Variants in SLC19A1 observed in about 807,000 individuals in gnomAD.
SLC19A1 encodes solute carrier family 19 member 1, also known as reduced folate transporter.
SLC19A1 carries 37 observed loss-of-function variants against 35.3 expected under a neutral mutation model. The ratio of observed to expected loss-of-function variants is 1.05; its 90% CI spans 0.81 to 1.38. The LOEUF is 1.38. Ranked by LOEUF, SLC19A1 falls within the 40% of genes most tolerant of loss-of-function variation. SLC19A1 has a pLI of 0.00. For missense variants in SLC19A1, 831 were observed against 826.9 expected (o/e 1.00, Z -0.06); for synonymous variants, 460 against 398.5 (o/e 1.15, Z -1.84).
At chr21:45,509,237 G>A, downstream of SLC19A1, 4 of 1,375,214 alleles carry the variant, frequency 2.9e-6, no homozygotes, top group South Asian at 2.7e-5. Context: ...CGGGGGCGCA[G>A]CTCCCTGCTT....
intron 1 of SLC19A1, among the ~76,000 whole-genome samples, chr21:45,553,385 C>G (rs975441450): frequency 2.0e-5 from 3 of 151,828 alleles, no homozygotes; most frequent in Admixed American, 1.3e-4. Context: ...ACAGGGGACA[C>G]GGCTCAGTGG....
upstream of SLC19A1, among the ~76,000 whole-genome samples, chr21:45,545,988 C>T (rs961700395): frequency 6.6e-6 from 1 of 152,230 alleles, no homozygotes; most frequent in Non-Finnish European, 1.5e-5. Context: ...GCCTTCGCCC[C>T]CACTTTTTCC....
chr21:45,503,788 ATAAATT>A lies in SLC19A1; in HGVS notation c.498-5182_498-5177del, dbSNP rs549028771. ...GTACCCTAAAACTTAAAGTATAATAATAAATTTAAAAAATTTAAAAATAAAATAAAA... is the reference window on the plus strand; with the variant it reads ...GTACCCTAAAACTTAAAGTATAATAATAAAAAATTTAAAAATAAAATAAAA... On this transcript the variant is annotated intron_variant, in intron 3 of 4. Coordinates refer to the SLC19A1 transcript ENST00000417954. 3.1e-3 allele frequency: 805 copies of A among 257,480 alleles called. 6 individuals carry two copies. Among genetic ancestry groups the A allele is most frequent in the African/African-American group, 0.017 (755 of 44,236 alleles). 15.9% of individuals were successfully genotyped at this position (257,480 alleles called of 1,614,324 possible). A position where few individuals can be genotyped will look rare whatever the true frequency, so the allele number is the denominator to read the frequency against.
chr21:45,537,730 C>T, intron 2 of SLC19A1, 41 bp downstream of exon 2: 1 of 777,126 alleles, frequency 1.3e-6, no homozygotes, highest in Non-Finnish European at 1.8e-6. Context: ...CCCCGCCCAC[C>T]CACCCACAGG....
At chr21:45,509,439 C>G (rs1380703389), downstream of SLC19A1, 1 of 1,534,664 alleles carries the variant, frequency 6.5e-7, no homozygotes, top group Admixed American at 2.0e-5. Flanking sequence ...ACCCCCACCC[C>G]ACCGCGCGGC....
At chr21:45,552,995 C>T (rs935303116) in intron 1 of SLC19A1, among the ~76,000 whole-genome samples, 1 of 152,084 alleles carries the variant, frequency 6.6e-6, no homozygotes, top group Admixed American at 6.5e-5. Flanking sequence ...TACACAAGAC[C>T]TCGCGCAATG....
At chr21:45,554,763 A>G (rs2078525528) in intron 1 of SLC19A1, among the ~76,000 whole-genome samples, 2 of 151,182 alleles carry the variant, frequency 1.3e-5, no homozygotes, top group Admixed American at 1.3e-4. Flanking sequence ...CTGTGCTATC[A>G]TTTTTACTAT....
At chr21:45,526,017 G>A (rs2077603699) in intron 4 of SLC19A1, 59 bp from the exon 5 acceptor site, 2 of 1,583,052 alleles carry the variant, frequency 1.3e-6, no homozygotes, top group South Asian at 2.2e-5. Context: ...CAGCCACAGG[G>A]AAAAGCCTGC....
chr21:45,546,023 A>G (rs2078411582), upstream of SLC19A1, among the ~76,000 whole-genome samples: 1 of 152,160 alleles, frequency 6.6e-6, no homozygotes, highest in Non-Finnish European at 1.5e-5. Flanking sequence ...TAACACTCCC[A>G]GCGGCCAGGG....
At chr21:45,512,459 G>A (rs1204344782), downstream of SLC19A1, 2 of 1,532,156 alleles carry the variant, frequency 1.3e-6, no homozygotes, top group African/African-American at 2.7e-5. Flanking sequence ...CCCCACCGTG[G>A]GCAGGGAGCG....
Position 45,531,415 on chromosome 21 carries a change from G to T in SLC19A1, c.923C>A (p.Ala308Glu), listed in dbSNP as rs746675891. The T allele has an allele frequency of 1.9e-6, 3 of 1,594,590 alleles. No homozygotes were observed. The highest frequency in any genetic ancestry group is 2.3e-5 in the South Asian group (2 of 88,706). Residue 308 changes from alanine to glutamate, a missense_variant, in exon 3 of 6, where the codon GCG becomes GAG. Transcript: ENST00000311124. ...CAGCAGCGTGGAGGCAGCATCTGCC[G>T]CGCCGTTGTAGACCCGCGCACTGTT... ...TTNSARVYNG[A>E]ADAASTLLGA...
chr21:45,529,209 G>A (rs542361746), intron 4 of SLC19A1, among the ~76,000 whole-genome samples: 8 of 152,358 alleles, frequency 5.3e-5, no homozygotes, highest in African/African-American at 1.9e-4. Context: ...GGCTGCCCAT[G>A]CCGGGAGACT....
At position 45,531,791 on chromosome 21, in the gene SLC19A1, A is replaced by G. The variant is rs1310341685; in HGVS notation, c.547T>C (p.Ser183Pro). The G allele has an allele frequency of 6.2e-7, 1 of 1,600,854 alleles. No individual in the cohort carries two copies. The highest frequency in any genetic ancestry group is 1.7e-5 in the Admixed American group (1 of 57,954). ...GCCAGCGAGATGTAGTTGAGCGTGG[A>G]GAAGGAGACTCGGCCCACAGTGACC... The part of the protein sequence containing the change: ...LLVTVGRVSF[S>P]TLNYISLAFL... The change falls in exon 3 of 6, where the codon TCC (serine) becomes CCC (proline). Residue 183 changes from serine (S) to proline (P), a missense_variant. By Grantham distance (74) the Ser-to-Pro change is moderately conservative. Transcript: ENST00000311124.
In SLC19A1 at chr21:45,538,239, G is replaced by A. The variant is rs984934554; in HGVS notation, c.-49-231C>T. Among the ~76,000 whole-genome samples the A allele has an allele frequency of 6.6e-5, 10 of 152,340 alleles. No individual in the cohort carries two copies. In the East Asian group the frequency reaches 9.6e-4, roughly 15 times the overall value. The stretch of plus-strand genomic sequence containing the variant: ...GGCTGTCACCACCTCCAGGGTCTCC[G>A]AGGCTGAGGGAAGTCTCCAGCCACA... On this transcript the variant is annotated intron_variant, in intron 1 of 5. Transcript: ENST00000311124.
At chr21:45,510,026 C>T (rs902213361), downstream of SLC19A1, 58 of 1,533,576 alleles carry the variant, frequency 3.8e-5, no homozygotes, top group Admixed American at 4.3e-4. Context: ...CAGGGGGCAG[C>T]GTGGGACACA....
chr21:45,559,766 C>T (rs1235085846), intron 1 of SLC19A1, among the ~76,000 whole-genome samples: 6 of 152,304 alleles, frequency 3.9e-5, no homozygotes, highest in East Asian at 3.9e-4. Context: ...CATTCAAATG[C>T]GCATCATTCC....
chr21:45,534,649 C>T lies in SLC19A1; in HGVS notation c.190-2501G>A. The T allele has an allele frequency of 6.6e-7, 1 of 1,521,276 alleles. No homozygotes were observed. 94.2% of individuals were successfully genotyped at this position (1,521,276 alleles called of 1,614,324 possible). ...TAGTTGAGGGTCTGAGCGCAGAGCT[C>T]CCCCTTGGCAGCCACCCAGAGCCCT... On this transcript the variant is annotated intron_variant, in intron 2 of 5. Coordinates refer to ENST00000311124, the MANE Select transcript of SLC19A1 (RefSeq NM_194255.4). The surrounding 1 kb of genome is among the most constrained non-coding windows in gnomAD (Gnocchi z 4.2).
chr21:45,507,856 C>A (rs1237924929), downstream of SLC19A1, among the ~76,000 whole-genome samples: 1 of 152,240 alleles, frequency 6.6e-6, no homozygotes, highest in East Asian at 1.9e-4. Context: ...GTGTCTGCCG[C>A]TCATTGCCCT....
At chr21:45,509,285 G>A, downstream of SLC19A1, 5 of 1,530,014 alleles carry the variant, frequency 3.3e-6, no homozygotes, top group Non-Finnish European at 4.4e-6. Flanking sequence ...CCAGCCCAGA[G>A]GAGGACACAG....
Sources: allele counts gnomAD v4.1 joint callset (sites outside exome capture counted in the v4.1 genomes callset), GRCh38; gene constraint gnomAD v4.1.1; non-coding constraint Gnocchi (gnomAD v3.1); transcripts MANE v1.5; gene names NCBI Gene and HGNC (gene_info 2026-07-23, HGNC 2026-07-21).